The following SUGCT variants were observed in gnomAD, a reference collection of about 807,000 sequenced individuals.
SUGCT encodes the protein succinyl-CoA:glutarate-CoA transferase.
Under a neutral mutation model 55.0 loss-of-function variants are expected in SUGCT, and 41 were observed. The observed-to-expected ratio is 0.74, with a 90% confidence interval of 0.58 to 0.97. The LOEUF (loss-of-function observed/expected upper bound fraction) is 0.97. Ranked by LOEUF, SUGCT falls within the 50% of genes least tolerant of loss-of-function variation. SUGCT has a pLI of 0.00. For synonymous variants in SUGCT, 187 were observed against 200.4 expected (o/e 0.93, Z 0.56); for missense variants, 568 against 547.8 (o/e 1.04, Z -0.37).
chr7:40,755,781 G>C (rs1001305915), intron 13 of SUGCT, among the ~76,000 whole-genome samples: 3 of 152,202 alleles, frequency 2.0e-5, no homozygotes, highest in Non-Finnish European at 4.4e-5. Flanking sequence ...TGTTTCAGTG[G>C]TGAGTGTGTC....
intron 12 of SUGCT, among the ~76,000 whole-genome samples, chr7:40,545,280 G>A (rs1483232631): frequency 6.6e-6 from 1 of 152,196 alleles, no homozygotes; most frequent in Non-Finnish European, 1.5e-5. Context: ...CTCAGTGAAG[G>A]TCAATGAAAG....
intron 13 of SUGCT, among the ~76,000 whole-genome samples, chr7:40,781,403 T>C (rs1789740747): frequency 6.6e-6 from 1 of 152,146 alleles, no homozygotes; most frequent in Admixed American, 6.6e-5. Flanking sequence ...ATTAGCCCTC[T>C]GCCAGCACTG....
chr7:40,757,353 G>A (rs1389072839), intron 13 of SUGCT, among the ~76,000 whole-genome samples: 1 of 152,152 alleles, frequency 6.6e-6, no homozygotes, highest in East Asian at 1.9e-4. Flanking sequence ...GAAATATTTT[G>A]TGAGACCTGG....
At chr7:40,237,977 G>C (rs1210753014) in intron 7 of SUGCT, among the ~76,000 whole-genome samples, 1 of 152,162 alleles carries the variant, frequency 6.6e-6, no homozygotes, top group Non-Finnish European at 1.5e-5. Flanking sequence ...AAAGAGCAAT[G>C]TTTTTAGCAA....
chr7:40,953,690 G>T, the SUGCT span, among the ~76,000 whole-genome samples: 1 of 152,214 alleles, frequency 6.6e-6, no homozygotes, highest in South Asian at 2.1e-4. Context: ...CTCAGCTGCA[G>T]GTCTGTTGGA....
intron 6 of SUGCT, among the ~76,000 whole-genome samples, chr7:40,205,270 C>A (rs1786898726): frequency 6.6e-6 from 1 of 150,398 alleles, no homozygotes; most frequent in Non-Finnish European, 1.5e-5. Context: ...AACAACAAAA[C>A]AAAAATAAAA....
At chr7:40,584,402 A>T (rs779359593) in intron 12 of SUGCT, among the ~76,000 whole-genome samples, 2 of 152,356 alleles carry the variant, frequency 1.3e-5, no homozygotes, top group African/African-American at 2.4e-5. Flanking sequence ...CAGAAAACAG[A>T]TACTCATATT....
intron 12 of SUGCT, among the ~76,000 whole-genome samples, chr7:40,744,950 G>T (rs1562976526): frequency 6.6e-6 from 1 of 152,142 alleles, no homozygotes; most frequent in Non-Finnish European, 1.5e-5. Flanking sequence ...TTGTTATGGA[G>T]CTTAAACTGT....
chr7:41,003,128 G>A, the SUGCT span, among the ~76,000 whole-genome samples: 1 of 152,094 alleles, frequency 6.6e-6, no homozygotes, highest in Non-Finnish European at 1.5e-5. Flanking sequence ...AATAAATGTC[G>A]GTGCGTTTCT....
At chr7:40,431,537 C>A (rs550201957) in intron 9 of SUGCT, among the ~76,000 whole-genome samples, 1 of 152,224 alleles carries the variant, frequency 6.6e-6, no homozygotes, top group Non-Finnish European at 1.5e-5. Context: ...GCAGCATGTA[C>A]ATTTTAAGAA....
chr7:40,199,636 G>A (rs948620334), intron 6 of SUGCT, among the ~76,000 whole-genome samples: 1 of 152,000 alleles, frequency 6.6e-6, no homozygotes, highest in Non-Finnish European at 1.5e-5. Context: ...TAAAAATTTA[G>A]CAGTAGGAAT....
chr7:40,528,007 C>T lies in SUGCT; in HGVS notation c.1089+31621C>T, dbSNP rs149244973. ...GCCTAGTGGATAGATATAAGTACAA[C>T]AGGATGAGTTTGCCTGAGTTCAAAT... On this transcript the variant is annotated intron_variant, in intron 12 of 13. Coordinates refer to ENST00000335693, the MANE Select transcript of SUGCT (RefSeq NM_001193313.2). 2.3e-3 allele frequency among the ~76,000 whole-genome samples: 343 copies of T among 152,244 alleles called. 1 individual carries two copies. Among genetic ancestry groups the T allele is most frequent in the African/African-American group, 8.0e-3 (331 of 41,544 alleles).
chr7:40,175,299 A>T (rs950201345), intron 1 of SUGCT, among the ~76,000 whole-genome samples: 1 of 151,112 alleles, frequency 6.6e-6, no homozygotes, highest in Non-Finnish European at 1.5e-5. Flanking sequence ...GGCTCACTGC[A>T]GCCTCTGCCT....
chr7:40,281,582 T>G (rs189832191), intron 8 of SUGCT, among the ~76,000 whole-genome samples: 1 of 152,352 alleles, frequency 6.6e-6, no homozygotes, highest in Admixed American at 6.5e-5. Flanking sequence ...TTTTCTGTAT[T>G]CACTGAGACA....
At chr7:40,541,619 G>GAAATATAAATGAGAATGAATGTA (rs1794685206) in intron 12 of SUGCT, among the ~76,000 whole-genome samples, 1 of 152,120 alleles carries the variant, frequency 6.6e-6, no homozygotes, top group African/African-American at 2.4e-5. Context: ...ACAGAATCCA[G>GAAATATAAATGAGAATGAATGTA]TAATATAAAT....
At chr7:40,490,027 C>G (rs1350725737) in intron 11 of SUGCT, among the ~76,000 whole-genome samples, 1 of 152,212 alleles carries the variant, frequency 6.6e-6, no homozygotes, top group Non-Finnish European at 1.5e-5. Flanking sequence ...ATAGCTATTG[C>G]AGCACTAGAA....
chr7:40,605,832 CGTGGCAGATAGTAG>C (rs1186863648), intron 12 of SUGCT, among the ~76,000 whole-genome samples: 8 of 152,048 alleles, frequency 5.3e-5, no homozygotes, highest in Non-Finnish European at 1.2e-4. Context: ...CAAGTTTGGG[CGTGGCAGATAGTAG>C]ATGGTAGAAG....
intron 13 of SUGCT, among the ~76,000 whole-genome samples, chr7:40,761,750 T>C (rs959275583): frequency 1.3e-5 from 2 of 152,218 alleles, no homozygotes; most frequent in African/African-American, 2.4e-5. Flanking sequence ...CATGTGTCCC[T>C]TGGAGCCACA....
At chr7:41,024,385 G>A in the SUGCT span, among the ~76,000 whole-genome samples, 3 of 151,998 alleles carry the variant, frequency 2.0e-5, no homozygotes, top group East Asian at 5.8e-4. Flanking sequence ...ATAACAAAAG[G>A]CAATCCAAAC....
Sources: allele counts gnomAD v4.1 joint callset (sites outside exome capture counted in the v4.1 genomes callset), GRCh38; gene constraint gnomAD v4.1.1; transcripts MANE v1.5; gene names NCBI Gene and HGNC (gene_info 2026-07-23, HGNC 2026-07-21).